The following TASP1 variants were observed in gnomAD, a reference collection of about 807,000 sequenced individuals.
The protein encoded by TASP1 is taspase 1, also known as threonine aspartase 1.
Under a neutral mutation model 56.6 loss-of-function variants are expected in TASP1, and 16 were observed. That is an observed-to-expected ratio of 0.28 (90% CI 0.19 to 0.43). TASP1 has a LOEUF of 0.43. Among genes scored for constraint, TASP1 ranks in the 20% least tolerant of loss-of-function variants. TASP1 has a pLI of 1.00. For missense variants in TASP1, 393 were observed against 511.6 expected (o/e 0.77, Z 2.24); for synonymous variants, 179 against 184.2 (o/e 0.97, Z 0.23).
chr20:13,313,037 C>T, the TASP1 span, among the ~76,000 whole-genome samples: 9 of 152,178 alleles, frequency 5.9e-5, no homozygotes, highest in Admixed American at 3.3e-4. Flanking sequence ...AGGTCCCCCT[C>T]GAGCTAAAAG....
At chr20:13,220,150 T>A in the TASP1 span, among the ~76,000 whole-genome samples, 6 of 151,410 alleles carry the variant, frequency 4.0e-5, no homozygotes, top group Non-Finnish European at 8.8e-5. Flanking sequence ...GGGCCGGCGC[T>A]GGGGAGGAGG....
intron 11 of TASP1, among the ~76,000 whole-genome samples, chr20:13,472,812 G>A (rs922836494): frequency 6.6e-6 from 1 of 150,962 alleles, no homozygotes; most frequent in East Asian, 1.9e-4. Flanking sequence ...TTAGAACAGC[G>A]ATCATTAAAA....
intron 13 of TASP1, among the ~76,000 whole-genome samples, chr20:13,396,687 G>A (rs568261093): frequency 6.6e-6 from 1 of 152,092 alleles, no homozygotes; most frequent in Non-Finnish European, 1.5e-5. Context: ...TACAATTCCC[G>A]AGTTCAGCCA....
intron 12 of TASP1, among the ~76,000 whole-genome samples, chr20:13,423,123 C>G (rs1212933952): frequency 1.3e-5 from 2 of 152,060 alleles, no homozygotes; most frequent in African/African-American, 4.8e-5. Flanking sequence ...AATTAATTGC[C>G]TATTGGACAT....
intron 8 of TASP1, among the ~76,000 whole-genome samples, chr20:13,557,892 G>T (rs1429094089): frequency 6.6e-6 from 1 of 151,780 alleles, no homozygotes; most frequent in Non-Finnish European, 1.5e-5. Flanking sequence ...TTTTAAAAAG[G>T]CAAAAAAGTC....
At chr20:13,362,825 A>ATT in the TASP1 span, among the ~76,000 whole-genome samples, 16 of 101,080 alleles carry the variant, frequency 1.6e-4, 2 homozygotes, top group Non-Finnish European at 1.2e-4. Flanking sequence ...ATATATATAT[A>ATT]TATATATATA....
intron 11 of TASP1, among the ~76,000 whole-genome samples, chr20:13,470,207 A>G (rs2044435908): frequency 6.6e-6 from 1 of 152,010 alleles, no homozygotes; most frequent in Non-Finnish European, 1.5e-5. Context: ...ACAAGCTACA[A>G]GCTTTCTGCG....
At chr20:13,214,562 C>CACACAGAGAG in the TASP1 span, among the ~76,000 whole-genome samples, 25 of 111,378 alleles carry the variant, frequency 2.2e-4, no homozygotes, top group African/African-American at 7.8e-4. Context: ...CACACACACA[C>CACACAGAGAG]AGAGAGAGAG....
At chr20:13,185,155 C>G in the TASP1 span, among the ~76,000 whole-genome samples, 1 of 152,028 alleles carries the variant, frequency 6.6e-6, no homozygotes. Context: ...TAAATTTGAA[C>G]AGCAATAAAA....
At chr20:13,232,532 C>T in the TASP1 span, among the ~76,000 whole-genome samples, 2 of 152,190 alleles carry the variant, frequency 1.3e-5, no homozygotes, top group Non-Finnish European at 2.9e-5. Context: ...CATATGTTTA[C>T]CCATTGACCC....
chr20:13,231,536 G>A, the TASP1 span, among the ~76,000 whole-genome samples: 15 of 152,180 alleles, frequency 9.9e-5, no homozygotes, highest in African/African-American at 3.6e-4. Flanking sequence ...TCTACTCCCT[G>A]TGAGGCATCA....
the TASP1 span, among the ~76,000 whole-genome samples, chr20:13,134,442 C>T: frequency 6.6e-6 from 1 of 152,086 alleles, no homozygotes; most frequent in Non-Finnish European, 1.5e-5. Context: ...CCCGCATGTC[C>T]CCAGTCATCA....
intron 12 of TASP1, among the ~76,000 whole-genome samples, chr20:13,430,924 G>C (rs1313186916): frequency 1.3e-5 from 2 of 152,180 alleles, no homozygotes; most frequent in African/African-American, 2.4e-5. Flanking sequence ...TATTTGTCAA[G>C]AGGAAAGTCT....
At chr20:13,172,724 A>AT in the TASP1 span, among the ~76,000 whole-genome samples, 1 of 152,150 alleles carries the variant, frequency 6.6e-6, no homozygotes, top group African/African-American at 2.4e-5. Context: ...TAAAACGGGG[A>AT]TTTTTTTAAA....
At chr20:13,273,659 C>A in the TASP1 span, among the ~76,000 whole-genome samples, 1 of 152,156 alleles carries the variant, frequency 6.6e-6, no homozygotes, top group Non-Finnish European at 1.5e-5. Context: ...ACCGTAACTC[C>A]CAAGAATAAA....
At chr20:13,519,496 T>A (rs2044658681) in intron 10 of TASP1, among the ~76,000 whole-genome samples, 1 of 152,148 alleles carries the variant, frequency 6.6e-6, no homozygotes, top group East Asian at 1.9e-4. Context: ...TAATCCAGCA[T>A]ATAAACAGAA....
intron 4 of TASP1, among the ~76,000 whole-genome samples, chr20:13,597,252 T>A (rs1258749354): frequency 1.3e-5 from 2 of 152,122 alleles, no homozygotes; most frequent in Non-Finnish European, 2.9e-5. Flanking sequence ...TAGACCAATA[T>A]CCTTGTTGAA....
At chr20:13,484,163 G>A (rs141202992) in intron 10 of TASP1, among the ~76,000 whole-genome samples, 2 of 152,260 alleles carry the variant, frequency 1.3e-5, no homozygotes, top group Non-Finnish European at 2.9e-5. Context: ...AACAACAGAT[G>A]CTGGAAAGGA....
At chr20:13,336,980 A>G in the TASP1 span, among the ~76,000 whole-genome samples, 1 of 152,246 alleles carries the variant, frequency 6.6e-6, no homozygotes, top group Non-Finnish European at 1.5e-5. Context: ...CTGATGAAAT[A>G]AAACAGTTTC....
Sources: gnomAD v4.1 joint callset for allele counts (sites outside exome capture counted in the v4.1 genomes callset) on GRCh38, gnomAD v4.1.1 for gene constraint, MANE v1.5 for transcripts, NCBI Gene and HGNC (gene_info 2026-07-23, HGNC 2026-07-21) for gene names.